Variants in LRP1B observed in about 807,000 individuals in gnomAD.
LRP1B encodes the protein LDL receptor related protein 1B.
LRP1B carries 217 observed loss-of-function variants against 556.6 expected under a neutral mutation model. The ratio of observed to expected loss-of-function variants is 0.39; its 90% CI spans 0.35 to 0.44. The LOEUF is 0.44. Among genes scored for constraint, LRP1B ranks in the 20% least tolerant of loss-of-function variants. The pLI, the probability that LRP1B is intolerant of heterozygous loss-of-function variation, is 1.00. For synonymous variants in LRP1B, 2,047 were observed against 1,865.8 expected (o/e 1.10, Z -2.50); for missense variants, 5,053 against 5,620.8 (o/e 0.90, Z 3.23).
intron 3 of LRP1B, among the ~76,000 whole-genome samples, chr2:141,259,480 A>G (rs995660947): frequency 1.3e-5 from 2 of 152,124 alleles, no homozygotes; most frequent in Admixed American, 6.6e-5. Flanking sequence ...GGTGTGTGCC[A>G]CTCCTTGACC....
chr2:140,379,523 C>T (rs371272620), intron 67 of LRP1B, among the ~76,000 whole-genome samples: 6 of 152,108 alleles, frequency 3.9e-5, no homozygotes, highest in Admixed American at 2.0e-4. Context: ...GGCAAAAACC[C>T]GTCTCTACTA....
chr2:141,873,734 TTAAA>T (rs1698666228), intron 1 of LRP1B, among the ~76,000 whole-genome samples: 1 of 151,526 alleles, frequency 6.6e-6, no homozygotes, highest in African/African-American at 2.4e-5. Flanking sequence ...AAACTGAAAA[TTAAA>T]TACATTTGGG....
chr2:141,082,198 A>T (rs1045343451), intron 7 of LRP1B, among the ~76,000 whole-genome samples: 3 of 152,216 alleles, frequency 2.0e-5, no homozygotes, highest in Middle Eastern at 3.2e-3. Flanking sequence ...TTATGCAAAG[A>T]TACTAAGCTT....
At chr2:141,749,683 C>G (rs1017088440) in intron 2 of LRP1B, among the ~76,000 whole-genome samples, 4 of 151,986 alleles carry the variant, frequency 2.6e-5, no homozygotes, top group African/African-American at 9.7e-5. Context: ...TGAGAGGATA[C>G]TAAGGAGAAT....
intron 32 of LRP1B, among the ~76,000 whole-genome samples, chr2:140,786,448 A>G (rs561924484): frequency 2.0e-5 from 3 of 152,186 alleles, no homozygotes; most frequent in Non-Finnish European, 4.4e-5. Flanking sequence ...CACCTGGACA[A>G]TCAGAGGTGG....
chr2:141,334,424 C>A (rs564771485), intron 3 of LRP1B, among the ~76,000 whole-genome samples: 2 of 152,258 alleles, frequency 1.3e-5, no homozygotes, highest in African/African-American at 4.8e-5. Flanking sequence ...AAGCTCCCTG[C>A]GGCCTTACAG....
chr2:141,703,966 T>G (rs1692050146), intron 2 of LRP1B, among the ~76,000 whole-genome samples: 3 of 151,926 alleles, frequency 2.0e-5, no homozygotes, highest in Non-Finnish European at 4.4e-5. Context: ...TTTTAACATT[T>G]TCTTCTCAAT....
intron 35 of LRP1B, among the ~76,000 whole-genome samples, chr2:140,757,589 G>A (rs963913201): frequency 6.6e-6 from 1 of 152,174 alleles, no homozygotes; most frequent in Non-Finnish European, 1.5e-5. Context: ...AGTCTGTAGA[G>A]ACAGAAAGCA....
chr2:140,294,120 AG>A (rs1321882565), intron 84 of LRP1B, among the ~76,000 whole-genome samples: 1 of 152,170 alleles, frequency 6.6e-6, no homozygotes, highest in African/African-American at 2.4e-5. Context: ...TTTTAAACTT[AG>A]TTTAAAAAAT....
intron 1 of LRP1B, among the ~76,000 whole-genome samples, chr2:141,909,523 GAC>G (rs200388527): frequency 0.015 from 1,761 of 117,108 alleles, 104 homozygotes; most frequent in Admixed American, 0.034. Flanking sequence ...TAAGGTCTCA[GAC>G]ATTTTTTTTT....
At chr2:140,766,840 T>C (rs1326198244) in intron 35 of LRP1B, among the ~76,000 whole-genome samples, 1 of 73,690 alleles carries the variant, frequency 1.4e-5, no homozygotes, top group Non-Finnish European at 2.7e-5. Flanking sequence ...TATATATATA[T>C]ATATTATATA....
At chr2:141,986,110 C>T (rs111926658) in intron 1 of LRP1B, among the ~76,000 whole-genome samples, 9 of 151,754 alleles carry the variant, frequency 5.9e-5, no homozygotes, top group Admixed American at 1.3e-4. Context: ...AGCTAAACAT[C>T]TGAGGCCCTA....
chr2:140,300,872 T>C (rs1044708574), intron 83 of LRP1B, among the ~76,000 whole-genome samples: 2 of 152,112 alleles, frequency 1.3e-5, no homozygotes, highest in Non-Finnish European at 2.9e-5. Flanking sequence ...AGAGTTATAT[T>C]TTAGCTCTGA....
intron 2 of LRP1B, among the ~76,000 whole-genome samples, chr2:141,684,882 T>C (rs1319050644): frequency 6.6e-6 from 1 of 151,934 alleles, no homozygotes. Context: ...CCCAAAATTA[T>C]ACAGGGATGG....
intron 3 of LRP1B, among the ~76,000 whole-genome samples, chr2:141,477,141 C>A (rs113120834): frequency 3.2e-5 from 2 of 62,966 alleles, no homozygotes; most frequent in African/African-American, 9.9e-5. Flanking sequence ...AACAAACAAA[C>A]AAAAAAAACC....
intron 2 of LRP1B, among the ~76,000 whole-genome samples, chr2:141,719,705 C>A (rs1437349): frequency 6.6e-6 from 1 of 151,644 alleles, no homozygotes; most frequent in Admixed American, 6.6e-5. Flanking sequence ...AAAAATGAAG[C>A]CATGTCTTTT....
intron 1 of LRP1B, among the ~76,000 whole-genome samples, chr2:141,873,330 T>G (rs1698649779): frequency 6.6e-6 from 1 of 151,924 alleles, no homozygotes. Context: ...TATGATAGCA[T>G]GTGCCTGTAG....
intron 49 of LRP1B, among the ~76,000 whole-genome samples, chr2:140,518,275 G>A (rs940176443): frequency 1.3e-5 from 2 of 152,008 alleles, no homozygotes; most frequent in African/African-American, 4.8e-5. Context: ...GGATGCTTAG[G>A]ATGTTTCCTG....
chr2:142,116,970 C>G (rs753199423), intron 1 of LRP1B, among the ~76,000 whole-genome samples: 4 of 152,094 alleles, frequency 2.6e-5, no homozygotes, highest in Non-Finnish European at 5.9e-5. Context: ...TCTCTGCTGT[C>G]TTCCCTTTGC....
Sources: gnomAD v4.1 joint callset for allele counts (sites outside exome capture counted in the v4.1 genomes callset) on GRCh38, gnomAD v4.1.1 for gene constraint, MANE v1.5 for transcripts, NCBI Gene and HGNC (gene_info 2026-07-23, HGNC 2026-07-21) for gene names.